Variants in TDRD3 observed in about 807,000 individuals in gnomAD.
TDRD3 encodes tudor domain containing 3.
TDRD3 carries 45 observed loss-of-function variants against 86.7 expected under a neutral mutation model. The ratio of observed to expected loss-of-function variants is 0.52; its 90% confidence interval spans 0.41 to 0.67. The LOEUF is 0.67. TDRD3 is among the 30% of genes least tolerant of loss of function. The pLI, the probability that TDRD3 is intolerant of heterozygous loss-of-function variation, is 0.00. For missense variants in TDRD3, 814 were observed against 889.0 expected, an observed-to-expected ratio of 0.92 and a Z score of 1.07; for synonymous variants, 298 against 301.7, an observed-to-expected ratio of 0.99 and a Z score of 0.13.
chr13:60,463,795 C>G (rs1220669505), intron 4 of TDRD3, among the ~76,000 whole-genome samples: 1 of 152,118 alleles, frequency 6.6e-6, no homozygotes, highest in Non-Finnish European at 1.5e-5. Context: ...AATGAGAGAT[C>G]ATCTCACACA....
chr13:60,452,819 T>G (rs544768731), intron 3 of TDRD3, among the ~76,000 whole-genome samples: 12 of 149,956 alleles, frequency 8.0e-5, no homozygotes, highest in African/African-American at 2.0e-4. Context: ...TTCTTAGTTT[T>G]TTTTTTTTTT....
intron 1 of TDRD3, among the ~76,000 whole-genome samples, chr13:60,432,452 A>T (rs1954977218): frequency 6.6e-6 from 1 of 152,140 alleles, no homozygotes; most frequent in African/African-American, 2.4e-5. Flanking sequence ...AGAACTTTCA[A>T]GCCATTTTCC....
At chr13:60,401,122 T>G (rs1228596804) in intron 1 of TDRD3, among the ~76,000 whole-genome samples, 1 of 152,182 alleles carries the variant, frequency 6.6e-6, no homozygotes, top group Non-Finnish European at 1.5e-5. Flanking sequence ...GTACTAGGCT[T>G]ATCTGAAAAT....
chr13:60,422,946 A>G (rs1954700339), intron 1 of TDRD3, among the ~76,000 whole-genome samples: 3 of 152,176 alleles, frequency 2.0e-5, no homozygotes, highest in Admixed American at 6.5e-5. Flanking sequence ...ACACATTGAA[A>G]GTATGTCAAG....
intron 12 of TDRD3, among the ~76,000 whole-genome samples, chr13:60,564,841 A>G (rs986407428): frequency 4.6e-5 from 7 of 152,216 alleles, no homozygotes; most frequent in Non-Finnish European, 1.0e-4. Flanking sequence ...AAACTGATCT[A>G]TTAAATCAAG....
At position 60,491,796 on chromosome 13, in the gene TDRD3, G is replaced by GT. The variant is rs66662608; in HGVS notation, c.718-2625dup. ...GTGAGTTCTTTAATGATTATTTCAG[G>GT]TTTTTTTTTTTTTTAATAAGGAAGT... On this transcript the variant is annotated intron_variant, in intron 7 of 13. Transcript: ENST00000377881. Among the ~76,000 whole-genome samples the GT allele has an allele frequency of 7.8e-3, 1,128 of 143,830 alleles. 8 individuals carry two copies. Among genetic ancestry groups the GT allele is most frequent in the Middle Eastern group, 0.011 (3 of 272 alleles). The allele number at this position is 143,830 out of a possible 152,430, so 94.4% of individuals were successfully genotyped here.
At chr13:60,539,822 T>A (rs1957772112) in intron 12 of TDRD3, among the ~76,000 whole-genome samples, 1 of 152,002 alleles carries the variant, frequency 6.6e-6, no homozygotes, top group African/African-American at 2.4e-5. Context: ...TGGAGAGTTG[T>A]GATACATATA....
At chr13:60,524,431 C>G (rs61968685) in intron 10 of TDRD3, among the ~76,000 whole-genome samples, 8 of 151,080 alleles carry the variant, frequency 5.3e-5, no homozygotes, top group Non-Finnish European at 1.0e-4. Flanking sequence ...CACTTGAACC[C>G]GGGAGGCGGA....
At chr13:60,560,993 G>T (rs1174147325) in intron 12 of TDRD3, among the ~76,000 whole-genome samples, 1 of 152,104 alleles carries the variant, frequency 6.6e-6, no homozygotes, top group Non-Finnish European at 1.5e-5. Flanking sequence ...GCTGGATGAG[G>T]TACATAAAAA....
intron 10 of TDRD3, among the ~76,000 whole-genome samples, chr13:60,525,166 C>CTTTTTTTTT (rs71199006): frequency 1.2e-4 from 7 of 56,094 alleles, no homozygotes; most frequent in African/African-American, 1.3e-4. Context: ...TAAGGGAATT[C>CTTTTTTTTT]TTTTTTTTTT....
chr13:60,504,405 G>A (rs115515321), intron 8 of TDRD3, among the ~76,000 whole-genome samples: 394 of 152,280 alleles, frequency 2.6e-3, no homozygotes, highest in African/African-American at 9.0e-3. Flanking sequence ...TGACTTTCCA[G>A]CATCTAACTC....
At chr13:60,517,571 C>T (rs768331855) in intron 10 of TDRD3, among the ~76,000 whole-genome samples, 3 of 152,212 alleles carry the variant, frequency 2.0e-5, no homozygotes, top group Non-Finnish European at 4.4e-5. Context: ...GTGTAGCTAT[C>T]TACCCACAGC....
At chr13:60,494,294 G>GT (rs1956665254) in intron 7 of TDRD3, 141 bp from the exon 8 acceptor site, 15 of 914,728 alleles carry the variant, frequency 1.6e-5, no homozygotes, top group South Asian at 1.3e-4. Context: ...TTCAAAAGGA[G>GT]TAAGTTAATA....
intron 8 of TDRD3, among the ~76,000 whole-genome samples, chr13:60,501,391 C>T (rs1032614536): frequency 4.6e-5 from 7 of 152,128 alleles, no homozygotes; most frequent in Non-Finnish European, 8.8e-5. Flanking sequence ...TCAGCCATTC[C>T]GATGGGTTGT....
chr13:60,436,484 T>G (rs1054280075), intron 1 of TDRD3, among the ~76,000 whole-genome samples: 1 of 152,188 alleles, frequency 6.6e-6, no homozygotes, highest in Non-Finnish European at 1.5e-5. Context: ...TTCATTCTTC[T>G]ACATGTGGCT....
intron 1 of TDRD3, among the ~76,000 whole-genome samples, chr13:60,416,092 T>G (rs4886225): frequency 0.14 from 21,374 of 152,118 alleles, 1,886 homozygotes; most frequent in Admixed American, 0.26. Context: ...AAAAATTGTG[T>G]TTTGGAAGTT....
Position 60,398,496 on chromosome 13 carries a change from A to G in TDRD3, c.41+1091A>G, listed in dbSNP as rs577153893. Among the ~76,000 whole-genome samples, 85 of 152,320 alleles carry G rather than the reference A, an allele frequency of 5.6e-4. 1 individual carries two copies. Among genetic ancestry groups the G allele is most frequent in the African/African-American group, 2.0e-3 (83 of 41,572 alleles). On this transcript the variant is annotated intron_variant, in intron 1 of 13. Transcript: ENST00000377881. Reference sequence around the variant, plus strand: ...TTTGCAGAACCTACACAAGATCTATATGGTTCGTGAAAGATGTGGATTTGA... The same window carrying G: ...TTTGCAGAACCTACACAAGATCTATGTGGTTCGTGAAAGATGTGGATTTGA...
intron 10 of TDRD3, among the ~76,000 whole-genome samples, chr13:60,525,717 G>C (rs1957414147): frequency 6.6e-6 from 1 of 152,064 alleles, no homozygotes; most frequent in African/African-American, 2.4e-5. Flanking sequence ...ATAATAAGCT[G>C]TTCAGGAATT....
chr13:60,549,973 C>T (rs946162603), intron 12 of TDRD3, among the ~76,000 whole-genome samples: 2 of 151,886 alleles, frequency 1.3e-5, no homozygotes, highest in Admixed American at 6.6e-5. Context: ...TGTAAACTAC[C>T]ATATAATAAT....
Sources: allele counts gnomAD v4.1 joint callset (sites outside exome capture counted in the v4.1 genomes callset), GRCh38; gene constraint gnomAD v4.1.1; transcripts MANE v1.5; gene names NCBI Gene and HGNC (gene_info 2026-07-23, HGNC 2026-07-21).